USP14: variants seen among roughly 807,000 people sequenced by gnomAD.
USP14 encodes the protein ubiquitin carboxyl-terminal hydrolase 14.
USP14 carries 38 observed loss-of-function variants against 76.5 expected under a neutral mutation model. That is an observed-to-expected ratio of 0.50 (90% confidence interval 0.38 to 0.65). The LOEUF (loss-of-function observed/expected upper bound fraction) is 0.65. Ranked by LOEUF, USP14 falls within the 30% of genes least tolerant of loss-of-function variation. USP14 has a pLI of 0.00. For missense variants in USP14, 467 were observed against 586.5 expected, an observed-to-expected ratio of 0.80 and a Z score of 2.10; for synonymous variants, 192 against 191.7, an observed-to-expected ratio of 1.00 and a Z score of -0.01.
intron 1 of USP14, among the ~76,000 whole-genome samples, chr18:161,927 A>T (rs570230640): frequency 6.6e-6 from 1 of 152,306 alleles, no homozygotes; most frequent in East Asian, 1.9e-4. Flanking sequence ...GTTCTATAGC[A>T]TTAAATATAT....
intron 2 of USP14, among the ~76,000 whole-genome samples, chr18:165,544 G>A (rs1909246299): frequency 6.6e-6 from 1 of 152,182 alleles, no homozygotes; most frequent in Non-Finnish European, 1.5e-5. Flanking sequence ...ACCATTTATT[G>A]AGTACTTATT....
intron 1 of USP14, 102 bp downstream of exon 1, chr18:158,816 G>A: frequency 7.9e-7 from 1 of 1,270,418 alleles, no homozygotes; most frequent in Non-Finnish European, 9.9e-7. Flanking sequence ...ACTGGGAGGG[G>A]CCGGGGTGGG....
chr18:171,026 ATATATAT>A (rs373502995), intron 3 of USP14, among the ~76,000 whole-genome samples: 29 of 30,744 alleles, frequency 9.4e-4, no homozygotes, highest in African/African-American at 3.3e-3. Context: ...AAAAAAAAAA[ATATATAT>A]ATATATATAT....
intron 1 of USP14, among the ~76,000 whole-genome samples, chr18:161,589 G>GT (rs1909120448): frequency 6.6e-6 from 1 of 152,092 alleles, no homozygotes; most frequent in Admixed American, 6.6e-5. Context: ...CCATTAGGCT[G>GT]TAAGTTTATG....
At chr18:182,879 G>T (rs1003452275) in intron 5 of USP14, among the ~76,000 whole-genome samples, 1 of 152,300 alleles carries the variant, frequency 6.6e-6, no homozygotes, top group South Asian at 2.1e-4. Flanking sequence ...ATGTAGAAAC[G>T]GTGATAGATG....
chr18:184,661 T>A (rs1909879603), intron 5 of USP14, among the ~76,000 whole-genome samples: 1 of 152,120 alleles, frequency 6.6e-6, no homozygotes, highest in African/African-American at 2.4e-5. Flanking sequence ...TCCCAGCTAC[T>A]CAGAGGCTGA....
rs541537033 is a variant in USP14, at chr18:210,501, G to A, written c.1333+8G>A. 59 of 1,552,022 alleles carry A rather than the reference G, an allele frequency of 3.8e-5. 1 individual carries two copies. In the East Asian group the frequency reaches 7.7e-4, roughly 20 times the overall value. On this transcript the variant is annotated splice_region_variant and intron_variant, in intron 15 of 15. Transcript: ENST00000261601. ...GGGTGAAAAGGAAACAAGGTAAAGGGTATTCTTTTTTCAACTGTTCAATAT... is the reference window on the plus strand; with the variant it reads ...GGGTGAAAAGGAAACAAGGTAAAGGATATTCTTTTTTCAACTGTTCAATAT...
In USP14 at chr18:212,710, G is replaced by C. The variant is rs968254795; in HGVS notation, c.*1426G>C. On this transcript the variant is annotated 3_prime_UTR_variant, in exon 16 of 16. Transcript: ENST00000261601. ...CATATGAGGTATTTCAATATGATAG[G>C]CTTCTTACATTTTAATAGTTACTCA... is the stretch of plus-strand genomic sequence containing the variant. 5.9e-5 allele frequency: 9 copies of C among 152,234 alleles called. No individual in the cohort carries two copies. Among genetic ancestry groups the C allele is most frequent in the African/African-American group, 2.2e-4 (9 of 41,546 alleles). 9.4% of individuals were successfully genotyped at this position (152,234 alleles called of 1,614,324 possible).
At chr18:202,781 G>A (rs1910417494) in intron 10 of USP14, 99 bp from the exon 11 acceptor site, 2 of 1,114,246 alleles carry the variant, frequency 1.8e-6, no homozygotes, top group Non-Finnish European at 2.7e-6. Context: ...TTGCCTCTTA[G>A]GTAGTGCTAG....
At chr18:199,695 G>A (rs1388450041) in intron 10 of USP14, among the ~76,000 whole-genome samples, 1 of 152,136 alleles carries the variant, frequency 6.6e-6, no homozygotes, top group African/African-American at 2.4e-5. Flanking sequence ...AGCTTCAGTT[G>A]GGCCTGCGTT....
chr18:180,298 G>T lies in USP14; in HGVS notation c.363G>T (p.Gln121His), dbSNP rs756216255. Residue 121 changes from glutamine to histidine, a missense_variant, in exon 5 of 16, where the codon CAG becomes CAT. Coordinates refer to ENST00000261601, the MANE Select transcript of USP14 (RefSeq NM_005151.4). Reference protein sequence around the residue: ...GNTCYMNATVQCIRSVPELKD... With the variant: ...GNTCYMNATVHCIRSVPELKD... The stretch of plus-strand genomic sequence containing the variant: ...CTTGTTACATGAATGCCACAGTTCA[G>T]TGTATTCGTTCTGTGCCTGAACTCA... 1 of 1,591,356 alleles carries T rather than the reference G, an allele frequency of 6.3e-7. No homozygotes were observed. Among genetic ancestry groups the T allele is most frequent in the Non-Finnish European group, 8.5e-7 (1 of 1,174,190 alleles).
intron 13 of USP14, among the ~76,000 whole-genome samples, chr18:209,587 G>A (rs1193560715): frequency 6.6e-6 from 1 of 152,168 alleles, no homozygotes; most frequent in Non-Finnish European, 1.5e-5. Context: ...TGTTTTAGAG[G>A]TAGTTGTTTT....
chr18:174,260 TTTTC>T (rs1282343037), intron 3 of USP14, among the ~76,000 whole-genome samples: 8 of 130,954 alleles, frequency 6.1e-5, no homozygotes, highest in Non-Finnish European at 1.3e-4. Flanking sequence ...TATTTCACGT[TTTTC>T]TTTCTTTTTT....
rs1910745109 is a variant in USP14 at position 213,717 on chromosome 18, G to C, written c.*2433G>C. 1 of 152,428 alleles carries C rather than the reference G, an allele frequency of 6.6e-6. No individual in the cohort carries two copies. The highest frequency in any genetic ancestry group is 6.6e-5 in the Admixed American group (1 of 15,264). 9.4% of individuals were successfully genotyped at this position (152,428 alleles called of 1,614,324 possible). A position where few individuals can be genotyped will look rare whatever the true frequency, so the allele number is the denominator to read the frequency against. ...TAAAAACGATGATGACCTCATCTTA[G>C]AGCCCTAAAGGGAAATGCTTATGTG... On this transcript the variant is annotated 3_prime_UTR_variant, in exon 16 of 16. Coordinates refer to ENST00000261601, the MANE Select transcript of USP14 (RefSeq NM_005151.4).
At chr18:195,039 T>A (rs899417765) in intron 6 of USP14, among the ~76,000 whole-genome samples, 1 of 152,196 alleles carries the variant, frequency 6.6e-6, no homozygotes, top group African/African-American at 2.4e-5. Flanking sequence ...AAAAAGTTTT[T>A]TTTTTTTCCT....
chr18:180,613 C>T (rs752590484), intron 5 of USP14, among the ~76,000 whole-genome samples: 1 of 152,136 alleles, frequency 6.6e-6, no homozygotes, highest in Non-Finnish European at 1.5e-5. Flanking sequence ...CCTAGCCAAC[C>T]GTTCATCTAC....
chr18:211,389 CACCTCATTTGGAACAAAAGAGG>C lies in USP14; in HGVS notation c.*108_*129del, dbSNP rs1446105791. The C allele has an allele frequency of 8.7e-6, 11 of 1,262,186 alleles. No homozygotes were observed. The highest frequency in any genetic ancestry group is 2.6e-5 in the Admixed American group (1 of 38,450). The allele number at this position is 1,262,186 out of a possible 1,614,324, so 78.2% of individuals were successfully genotyped here. A position where few individuals can be genotyped will look rare whatever the true frequency, so the allele number is the denominator to read the frequency against. On this transcript the variant is annotated 3_prime_UTR_variant, in exon 16 of 16. Coordinates refer to ENST00000261601, the MANE Select transcript of USP14 (RefSeq NM_005151.4). ...AAGACACATAGGTGGGTTTATGTTT[CACCTCATTTGGAACAAAAGAGG>C]ACAGAAGCAGACCACTCTGTGCACC...
At chr18:178,838 G>A in intron 3 of USP14, 95 bp from the exon 4 acceptor site, 2 of 860,348 alleles carry the variant, frequency 2.3e-6, no homozygotes, top group Non-Finnish European at 3.6e-6. Flanking sequence ...ATAGAATTAT[G>A]TTATATGTGT....
intron 15 of USP14, among the ~76,000 whole-genome samples, chr18:210,855 A>C (rs1025466527): frequency 6.6e-6 from 1 of 152,210 alleles, no homozygotes; most frequent in African/African-American, 2.4e-5. Context: ...TTGCATTATC[A>C]TACATTATGT....
Sources: gnomAD v4.1 joint callset for allele counts (sites outside exome capture counted in the v4.1 genomes callset) on GRCh38, gnomAD v4.1.1 for gene constraint, MANE v1.5 for transcripts, NCBI Gene and HGNC (gene_info 2026-07-23, HGNC 2026-07-21) for gene names.